ABHD12: variants seen among roughly 807,000 people sequenced by gnomAD.
ABHD12 encodes the protein abhydrolase domain containing 12, lysophospholipase.
ABHD12 carries 43 observed loss-of-function variants against 58.3 expected under a neutral mutation model. The observed-to-expected ratio is 0.74, with a 90% CI of 0.58 to 0.95. The LOEUF is 0.95. Ranked by LOEUF, ABHD12 falls within the 40% of genes least tolerant of loss-of-function variation. The probability of loss-of-function intolerance (pLI) is 0.00; values close to 1 mark genes in which losing one functional copy is unlikely to be tolerated. For synonymous variants in ABHD12, 219 were observed against 211.2 expected (o/e 1.04, Z -0.32); for missense variants, 539 against 537.2 (o/e 1.00, Z -0.03).
rs548622842 is a variant in ABHD12 at position 25,312,428 on chromosome 20, G to GC, written c.619+2496dup. 1.6e-3 allele frequency among the ~76,000 whole-genome samples: 241 copies of GC among 151,722 alleles called. 1 individual carries two copies. The highest frequency in any genetic ancestry group is 5.5e-3 in the African/African-American group (227 of 41,296). On this transcript the variant is annotated intron_variant, in intron 6 of 12. Transcript: ENST00000339157. ...GCTCCTAACCGCGAGTGATCTGCCA[G>GC]CATCGGCCTCCACAGGTGCCGGGAT...
chr20:25,319,770 T>C (rs1341621837), intron 4 of ABHD12, among the ~76,000 whole-genome samples: 4 of 152,128 alleles, frequency 2.6e-5, no homozygotes, highest in African/African-American at 4.8e-5. Flanking sequence ...CCAAATCACA[T>C]ACCAGCAGAT....
At chr20:25,317,014 C>T (rs1282985725) in intron 5 of ABHD12, 34 bp downstream of exon 5, 1 of 1,607,910 alleles carries the variant, frequency 6.2e-7, no homozygotes, top group South Asian at 1.1e-5. Flanking sequence ...AAAGAACAGC[C>T]CAGGGAACAG....
chr20:25,376,725 G>A (rs1422974121), intron 1 of ABHD12, among the ~76,000 whole-genome samples: 1 of 152,148 alleles, frequency 6.6e-6, no homozygotes, highest in Non-Finnish European at 1.5e-5. Flanking sequence ...CAAGGACTGG[G>A]ATTTGTCCCA....
At chr20:25,311,357 C>G (rs1355389787) in intron 6 of ABHD12, among the ~76,000 whole-genome samples, 1 of 152,160 alleles carries the variant, frequency 6.6e-6, no homozygotes, top group Non-Finnish European at 1.5e-5. Flanking sequence ...GGGCTGTGAG[C>G]CAAGGAACAC....
At chr20:25,354,757 A>G (rs1403739400) in intron 1 of ABHD12, among the ~76,000 whole-genome samples, 1 of 152,152 alleles carries the variant, frequency 6.6e-6, no homozygotes, top group East Asian at 1.9e-4. Flanking sequence ...TAGAAAAAAA[A>G]ATTACTATTT....
At position 25,320,326 on chromosome 20, in the gene ABHD12, C is replaced by G; in HGVS notation, c.423-8G>C. On this transcript the variant is annotated splice_region_variant and splice_polypyrimidine_tract_variant and intron_variant, in intron 3 of 12. Coordinates refer to ENST00000339157, the MANE Select transcript of ABHD12 (RefSeq NM_001042472.3). ...ACTGCAGGGACGGTGTGCCTGCAGA[C>G]AGAAGCAGAGGGGAGCGCAGGATCA... 1 of 1,613,432 alleles carries G rather than the reference C, an allele frequency of 6.2e-7. No homozygotes were observed. The highest frequency in any genetic ancestry group is 8.5e-7 in the Non-Finnish European group (1 of 1,180,026).
At chr20:25,294,802 C>G (rs1413422107) in exon 13 of ABHD12, 4 of 729,814 alleles carry the variant, frequency 5.5e-6, no homozygotes, top group Non-Finnish European at 1.0e-5. Flanking sequence ...TATGGTTTAT[C>G]TAGAGTTACA....
intron 9 of ABHD12, 109 bp downstream of exon 9, chr20:25,307,857 A>G: frequency 2.1e-6 from 1 of 472,216 alleles, no homozygotes; most frequent in Non-Finnish European, 3.5e-6. Flanking sequence ...ATTCATTAGA[A>G]TATTTAAATA....
intron 1 of ABHD12, among the ~76,000 whole-genome samples, chr20:25,367,197 C>T (rs2089834106): frequency 6.6e-6 from 1 of 152,282 alleles, no homozygotes; most frequent in Admixed American, 6.5e-5. Context: ...ACTAATTTTA[C>T]ATCTCTTTAA....
intron 1 of ABHD12, among the ~76,000 whole-genome samples, chr20:25,346,227 G>T (rs1350037884): frequency 6.6e-6 from 1 of 152,102 alleles, no homozygotes; most frequent in African/African-American, 2.4e-5. Context: ...CATCTCAAAA[G>T]GCTACATACT....
At chr20:25,336,974 C>A (rs2089381865) in intron 2 of ABHD12, among the ~76,000 whole-genome samples, 1 of 152,232 alleles carries the variant, frequency 6.6e-6, no homozygotes, top group Admixed American at 6.5e-5. Context: ...TTCAGAAACA[C>A]CACAGGGCTG....
chr20:25,348,865 G>A (rs866208566), intron 1 of ABHD12, among the ~76,000 whole-genome samples: 1 of 151,950 alleles, frequency 6.6e-6, no homozygotes, highest in Non-Finnish European at 1.5e-5. Flanking sequence ...GGCGGATCAC[G>A]AGGTCAGGAG....
chr20:25,364,515 C>A (rs953154448), intron 1 of ABHD12, among the ~76,000 whole-genome samples: 2 of 152,098 alleles, frequency 1.3e-5, no homozygotes. Context: ...TCACTCATTC[C>A]CATAAGAGTG....
At chr20:25,299,632 A>G (rs1336621439), downstream of ABHD12, among the ~76,000 whole-genome samples, 1 of 152,170 alleles carries the variant, frequency 6.6e-6, no homozygotes, top group Admixed American at 6.5e-5. Context: ...CCTATGTCCT[A>G]AAGAAGGGGC....
chr20:25,295,590 T>G (rs1160421296), downstream of ABHD12: 1 of 1,612,828 alleles, frequency 6.2e-7, no homozygotes, highest in Admixed American at 1.7e-5. Context: ...CCAGCCTCCT[T>G]TCTCCCATTC....
chr20:25,312,325 C>T (rs530590987), intron 6 of ABHD12, among the ~76,000 whole-genome samples: 11 of 152,152 alleles, frequency 7.2e-5, no homozygotes, highest in Non-Finnish European at 1.6e-4. Flanking sequence ...ATTGCAGCAG[C>T]GCGCTGCCAT....
intron 1 of ABHD12, among the ~76,000 whole-genome samples, chr20:25,372,304 C>T (rs2146110739): frequency 6.6e-6 from 1 of 152,184 alleles, no homozygotes; most frequent in Non-Finnish European, 1.5e-5. Context: ...AGTGATCCTC[C>T]TGCCTCCCAA....
chr20:25,301,550 C>A (rs2088635845), intron 12 of ABHD12, among the ~76,000 whole-genome samples: 1 of 152,264 alleles, frequency 6.6e-6, no homozygotes, highest in African/African-American at 2.4e-5. Context: ...GGAGGGTTAG[C>A]ATCTTGCCCA....
chr20:25,331,591 A>C (rs2089277542), intron 2 of ABHD12, among the ~76,000 whole-genome samples: 1 of 152,184 alleles, frequency 6.6e-6, no homozygotes, highest in Admixed American at 6.5e-5. Flanking sequence ...AGCCCATCAG[A>C]CTAAAAGCAG....
Sources: gnomAD v4.1 joint callset for allele counts (sites outside exome capture counted in the v4.1 genomes callset) on GRCh38, gnomAD v4.1.1 for gene constraint, MANE v1.5 for transcripts, NCBI Gene and HGNC (gene_info 2026-07-23, HGNC 2026-07-21) for gene names.